The following AUTS2 variants were observed in gnomAD, a reference collection of about 807,000 sequenced individuals.
AUTS2 encodes activator of transcription and developmental regulator AUTS2.
AUTS2 carries 17 observed loss-of-function variants against 112.4 expected under a neutral mutation model. The ratio of observed to expected loss-of-function variants is 0.15; its 90% CI spans 0.10 to 0.23. AUTS2 has a LOEUF of 0.23. AUTS2 is among the 10% of genes least tolerant of loss of function. The pLI is 1.00. For missense variants in AUTS2, 1,510 were observed against 1,701.6 expected, an observed-to-expected ratio of 0.89 and a Z score of 1.98; for synonymous variants, 751 against 702.7, an observed-to-expected ratio of 1.07 and a Z score of -1.09.
chr7:70,287,122 A>G (rs545720679), intron 4 of AUTS2, among the ~76,000 whole-genome samples: 1 of 152,246 alleles, frequency 6.6e-6, no homozygotes, highest in Admixed American at 6.5e-5. Flanking sequence ...TCAGTTCTAC[A>G]TGTTGTTGTT....
intron 2 of AUTS2, among the ~76,000 whole-genome samples, chr7:69,988,280 C>G (rs893251025): frequency 3.9e-5 from 6 of 152,010 alleles, no homozygotes; most frequent in Non-Finnish European, 8.8e-5. Context: ...TCTAGCCTTC[C>G]CTTTGTTTTT....
intron 5 of AUTS2, among the ~76,000 whole-genome samples, chr7:70,527,991 C>T (rs1021933917): frequency 6.6e-6 from 1 of 151,728 alleles, no homozygotes; most frequent in South Asian, 2.1e-4. Flanking sequence ...AACACACCTG[C>T]TTTAGCTATT....
intron 4 of AUTS2, among the ~76,000 whole-genome samples, chr7:70,419,131 C>T (rs927109654): frequency 6.6e-6 from 1 of 151,986 alleles, no homozygotes; most frequent in African/African-American, 2.4e-5. Context: ...ACTTTTGCAC[C>T]AACCTAATAT....
intron 2 of AUTS2, among the ~76,000 whole-genome samples, chr7:69,968,916 A>G (rs1797736819): frequency 6.6e-6 from 1 of 151,766 alleles, no homozygotes; most frequent in South Asian, 2.1e-4. Context: ...TTCTTTACCC[A>G]TGTTGAAATT....
intron 1 of AUTS2, among the ~76,000 whole-genome samples, chr7:69,612,762 T>C (rs1793116560): frequency 6.6e-6 from 1 of 152,216 alleles, no homozygotes; most frequent in Non-Finnish European, 1.5e-5. Context: ...GCATTTTATT[T>C]CTTATGTATT....
At chr7:70,185,360 G>A (rs181292522) in intron 4 of AUTS2, among the ~76,000 whole-genome samples, 32 of 146,212 alleles carry the variant, frequency 2.2e-4, no homozygotes, top group Non-Finnish European at 4.4e-4. Flanking sequence ...TCCTACCTTG[G>A]CCTCCCAAAG....
intron 2 of AUTS2, among the ~76,000 whole-genome samples, chr7:70,074,302 G>C (rs1002858662): frequency 1.5e-4 from 23 of 152,136 alleles, no homozygotes; most frequent in African/African-American, 5.6e-4. Context: ...TTCGATATCT[G>C]TAAGTTTTCC....
At chr7:70,634,118 TTGTGGTGCTCACCTTCTAGTGG>T (rs1295478509) in intron 5 of AUTS2, among the ~76,000 whole-genome samples, 2 of 152,286 alleles carry the variant, frequency 1.3e-5, no homozygotes, top group Admixed American at 6.5e-5. Flanking sequence ...GTCCCTGCCC[TTGTGGTGCTCACCTTCTAGTGG>T]TGAGAAGAGA....
At position 70,642,580 on chromosome 7, in the gene AUTS2, A is replaced by G. The variant is rs192532616; in HGVS notation, c.691-55989A>G. 1.9e-3 allele frequency among the ~76,000 whole-genome samples: 292 copies of G among 152,230 alleles called. 3 individuals are homozygous for G. The highest frequency in any genetic ancestry group is 6.7e-3 in the African/African-American group (277 of 41,524). ...AGAACTATGTTGCATTCTCCATCCA[A>G]GCCTCAGCTTTGCCGAGCCTTAACC... On this transcript the variant is annotated intron_variant, in intron 5 of 18. Transcript: ENST00000342771.
intron 2 of AUTS2, among the ~76,000 whole-genome samples, chr7:70,017,905 G>A (rs1322110068): frequency 6.7e-6 from 1 of 150,302 alleles, no homozygotes; most frequent in Non-Finnish European, 1.5e-5. Context: ...TGAACTATTT[G>A]GAAGGGTGAT....
chr7:69,631,175 CTT>C (rs879307779), intron 1 of AUTS2, among the ~76,000 whole-genome samples: 4 of 145,532 alleles, frequency 2.7e-5, no homozygotes, highest in Admixed American at 6.9e-5. Context: ...TGTGTACACA[CTT>C]TTTTTTTTTT....
chr7:69,817,305 G>C (rs1790805736), intron 1 of AUTS2, among the ~76,000 whole-genome samples: 1 of 152,220 alleles, frequency 6.6e-6, no homozygotes, highest in Non-Finnish European at 1.5e-5. Context: ...CTCTCTAGCA[G>C]CTCACCCTTG....
intron 1 of AUTS2, among the ~76,000 whole-genome samples, chr7:69,896,094 C>T (rs1311628082): frequency 2.0e-5 from 3 of 152,202 alleles, no homozygotes; most frequent in Non-Finnish European, 4.4e-5. Context: ...TCCTGAGTGT[C>T]TCTTTATGGC....
At chr7:70,534,409 T>C (rs1490292967) in intron 5 of AUTS2, among the ~76,000 whole-genome samples, 1 of 147,146 alleles carries the variant, frequency 6.8e-6, no homozygotes, top group South Asian at 2.1e-4. Context: ...TGTTTGTTTG[T>C]TTGTTTGTTT....
rs139422245 is a variant in AUTS2 at position 70,054,859 on chromosome 7, G to A, written c.523-63273G>A. On this transcript the variant is annotated intron_variant, in intron 2 of 18. Transcript: ENST00000342771. Reference sequence around the variant, plus strand: ...GGGGGTTTAATCTAACTCCTCTCCAGTCTTTCTTCTAGAGGAACTCTGTAA... The same window carrying A: ...GGGGGTTTAATCTAACTCCTCTCCAATCTTTCTTCTAGAGGAACTCTGTAA... Among the ~76,000 whole-genome samples, 271 of 152,210 alleles carry A rather than the reference G, an allele frequency of 1.8e-3. 3 individuals carry two copies. The highest frequency in any genetic ancestry group is 0.017 in the Admixed American group (256 of 15,292).
At chr7:69,679,911 A>G (rs969070328) in intron 1 of AUTS2, among the ~76,000 whole-genome samples, 1 of 152,218 alleles carries the variant, frequency 6.6e-6, no homozygotes, top group Non-Finnish European at 1.5e-5. Context: ...TGTGACACAC[A>G]AGGACCTTTG....
intron 2 of AUTS2, among the ~76,000 whole-genome samples, chr7:70,055,056 C>G (rs1047239175): frequency 6.6e-6 from 1 of 152,182 alleles, no homozygotes; most frequent in South Asian, 2.1e-4. Flanking sequence ...CTTTAATTCA[C>G]ATAGAAGTAC....
intron 1 of AUTS2, among the ~76,000 whole-genome samples, chr7:69,706,189 G>T (rs1798055073): frequency 6.6e-6 from 1 of 152,204 alleles, no homozygotes; most frequent in Non-Finnish European, 1.5e-5. Flanking sequence ...TTTGGGTGCA[G>T]TTCAGGAGGT....
At chr7:70,719,905 TG>T (rs1810574687) in intron 6 of AUTS2, among the ~76,000 whole-genome samples, 1 of 152,228 alleles carries the variant, frequency 6.6e-6, no homozygotes, top group African/African-American at 2.4e-5. Flanking sequence ...TTTAGGATGA[TG>T]TTACTTAAGA....
Sources: allele counts gnomAD v4.1 joint callset (sites outside exome capture counted in the v4.1 genomes callset), GRCh38; gene constraint gnomAD v4.1.1; transcripts MANE v1.5; gene names NCBI Gene and HGNC (gene_info 2026-07-23, HGNC 2026-07-21).